The following CHLSN variants were observed in gnomAD, a reference collection of about 807,000 sequenced individuals.
The protein encoded by CHLSN is cholesin.
At chr7:987,090 G>T in the CHLSN span, 1 of 1,510,408 alleles carries the variant, frequency 6.6e-7, no homozygotes, top group Non-Finnish European at 8.9e-7. Flanking sequence ...CACGAGCCCT[G>T]CCCCACGCCT....
the CHLSN span, among the ~76,000 whole-genome samples, chr7:1,065,613 C>T: frequency 6.6e-6 from 1 of 152,194 alleles, no homozygotes; most frequent in Non-Finnish European, 1.5e-5. Flanking sequence ...GCAGGGAACC[C>T]ACCTCACCAG....
the CHLSN span, among the ~76,000 whole-genome samples, chr7:1,052,669 G>T: frequency 6.6e-6 from 1 of 152,106 alleles, no homozygotes; most frequent in African/African-American, 2.4e-5. This position sits in a 1 kb window ranked among gnomAD's most constrained non-coding sequence, Gnocchi z 4.2. Context: ...AGGCCCACAG[G>T]GTCCCTGCTG....
At chr7:1,103,366 CTTCT>C in the CHLSN span, among the ~76,000 whole-genome samples, 1 of 152,170 alleles carries the variant, frequency 6.6e-6, no homozygotes, top group Non-Finnish European at 1.5e-5. Context: ...AGTCATTCGG[CTTCT>C]TTAAGGAAAA....
chr7:1,091,133 C>T, the CHLSN span, among the ~76,000 whole-genome samples: 1 of 152,216 alleles, frequency 6.6e-6, no homozygotes, highest in Non-Finnish European at 1.5e-5. Flanking sequence ...AAGGGAAAAA[C>T]ACCCCTGCCT....
the CHLSN span, among the ~76,000 whole-genome samples, chr7:996,002 A>G: frequency 1.3e-5 from 2 of 152,216 alleles, no homozygotes; most frequent in South Asian, 2.1e-4. Flanking sequence ...CTCGATGTCC[A>G]CATAGAGATG....
the CHLSN span, among the ~76,000 whole-genome samples, chr7:1,071,305 G>T: frequency 6.6e-6 from 1 of 152,246 alleles, no homozygotes; most frequent in Non-Finnish European, 1.5e-5. Flanking sequence ...AATTCTTTTT[G>T]AAAGAAACTT....
the CHLSN span, among the ~76,000 whole-genome samples, chr7:1,041,487 C>T: frequency 6.6e-6 from 1 of 152,210 alleles, no homozygotes; most frequent in Admixed American, 6.5e-5. Flanking sequence ...ACTAATGTTA[C>T]TGCCGTTTAT....
At chr7:1,105,763 C>T in the CHLSN span, among the ~76,000 whole-genome samples, 2 of 152,156 alleles carry the variant, frequency 1.3e-5, no homozygotes, top group Admixed American at 6.5e-5. Flanking sequence ...TACAGGCACA[C>T]GCCACGCTTG....
the CHLSN span, among the ~76,000 whole-genome samples, chr7:1,004,814 T>C: frequency 2.0e-5 from 3 of 152,148 alleles, no homozygotes; most frequent in African/African-American, 7.2e-5. Context: ...GGAGATCCCA[T>C]CTTGGAAAAG....
the CHLSN span, among the ~76,000 whole-genome samples, chr7:1,000,291 C>T: frequency 8.0e-5 from 12 of 149,508 alleles, no homozygotes; most frequent in Non-Finnish European, 1.3e-4. Context: ...GTGCCTGCCC[C>T]GCCGTGCACA....
chr7:1,035,543 G>A, the CHLSN span, among the ~76,000 whole-genome samples: 3 of 152,206 alleles, frequency 2.0e-5, no homozygotes, highest in Non-Finnish European at 4.4e-5. Flanking sequence ...GGGGCCAGAC[G>A]CGCGACATCC....
At chr7:1,046,688 C>G in the CHLSN span, among the ~76,000 whole-genome samples, 1 of 151,946 alleles carries the variant, frequency 6.6e-6, no homozygotes, top group African/African-American at 2.4e-5. Context: ...ACAAAATACC[C>G]CCTTGAGCAG....
the CHLSN span, among the ~76,000 whole-genome samples, chr7:1,039,560 C>T: frequency 3.7e-5 from 2 of 54,674 alleles, 1 homozygote; most frequent in Non-Finnish European, 6.4e-5. Context: ...GGGTGTCAGC[C>T]CCCCCGCCCG....
the CHLSN span, chr7:1,137,663 C>G: frequency 6.6e-6 from 1 of 152,014 alleles, no homozygotes; most frequent in Non-Finnish European, 1.5e-5. Context: ...TAAAAATTAT[C>G]CGGGTGTGGT....
the CHLSN span, among the ~76,000 whole-genome samples, chr7:1,062,248 T>G: frequency 6.6e-6 from 1 of 152,188 alleles, no homozygotes; most frequent in East Asian, 1.9e-4. Flanking sequence ...GGAAGCTGGA[T>G]CTAGTGTGAA....
At chr7:1,123,651 A>C in the CHLSN span, among the ~76,000 whole-genome samples, 1 of 151,694 alleles carries the variant, frequency 6.6e-6, no homozygotes, top group Non-Finnish European at 1.5e-5. This position sits in a 1 kb window ranked among gnomAD's most constrained non-coding sequence, Gnocchi z 4.4. Context: ...CAGCAAGGAA[A>C]TATCCATATT....
chr7:999,942 A>T, the CHLSN span, among the ~76,000 whole-genome samples: 273 of 152,290 alleles, frequency 1.8e-3, 2 homozygotes, highest in African/African-American at 6.4e-3. Context: ...TGCCCCTGAA[A>T]AGGGCAGCTG....
the CHLSN span, among the ~76,000 whole-genome samples, chr7:1,012,784 G>A: frequency 6.6e-6 from 1 of 152,230 alleles, no homozygotes; most frequent in Non-Finnish European, 1.5e-5. Flanking sequence ...GGGGGTGCCC[G>A]GCTCCACTCT....
chr7:1,133,161 CCGGG>C, the CHLSN span, among the ~76,000 whole-genome samples: 2 of 152,070 alleles, frequency 1.3e-5, no homozygotes, highest in Non-Finnish European at 2.9e-5. Flanking sequence ...AGACACTGTG[CCGGG>C]CAGGAGAAGC....
Sources: gnomAD v4.1 joint callset for allele counts (sites outside exome capture counted in the v4.1 genomes callset) on GRCh38, gnomAD v4.1.1 for gene constraint, Gnocchi (gnomAD v3.1) non-coding constraint, MANE v1.5 for transcripts, NCBI Gene and HGNC (gene_info 2026-07-23, HGNC 2026-07-21) for gene names.